The following STPG2 variants were observed in gnomAD, a reference collection of about 807,000 sequenced individuals.
STPG2 encodes the protein sperm tail PG-rich repeat containing 2.
Under a neutral mutation model 54.2 loss-of-function variants are expected in STPG2, and 56 were observed. The observed-to-expected ratio is 1.03, with a 90% CI of 0.83 to 1.29. The LOEUF (loss-of-function observed/expected upper bound fraction) is 1.29. Among genes scored for constraint, STPG2 ranks in the 50% most tolerant of loss-of-function variants. The pLI is 0.00. For synonymous variants in STPG2, 200 were observed against 181.8 expected, an observed-to-expected ratio of 1.10 and a Z score of -0.81; for missense variants, 596 against 544.9, an observed-to-expected ratio of 1.09 and a Z score of -0.93.
chr4:97,577,551 A>G (rs1412586949), intron 10 of STPG2, among the ~76,000 whole-genome samples: 1 of 152,160 alleles, frequency 6.6e-6, no homozygotes, highest in African/African-American at 2.4e-5. Context: ...GGACTTAAAC[A>G]TGGGAACAAC....
chr4:98,091,245 CCT>C (rs1487207894), intron 5 of STPG2, among the ~76,000 whole-genome samples: 1 of 151,392 alleles, frequency 6.6e-6, no homozygotes, highest in Admixed American at 6.6e-5. Flanking sequence ...TCATGATTTC[CCT>C]CTCTCTCTCT....
chr4:97,878,650 C>A (rs1266281797), intron 8 of STPG2, among the ~76,000 whole-genome samples: 1 of 152,130 alleles, frequency 6.6e-6, no homozygotes. Flanking sequence ...CTGGGTCAGG[C>A]CCATGAAACC....
At chr4:98,115,327 T>C (rs960009925) in intron 3 of STPG2, among the ~76,000 whole-genome samples, 1 of 152,002 alleles carries the variant, frequency 6.6e-6, no homozygotes, top group African/African-American at 2.4e-5. Context: ...GTATCATCAT[T>C]CCAATCACAA....
intron 9 of STPG2, among the ~76,000 whole-genome samples, chr4:97,753,523 A>G (rs770590404): frequency 1.2e-4 from 18 of 152,008 alleles, no homozygotes; most frequent in Non-Finnish European, 2.2e-4. Context: ...GGCTATGAAC[A>G]TTGGTATACA....
intron 8 of STPG2, among the ~76,000 whole-genome samples, chr4:97,865,107 T>G (rs1729717761): frequency 6.6e-6 from 1 of 152,056 alleles, no homozygotes; most frequent in Non-Finnish European, 1.5e-5. Context: ...CTCATTAAAC[T>G]AAAGAGCTTC....
chr4:97,444,556 G>T (rs1729171250), intron 4 of STPG2, among the ~76,000 whole-genome samples: 1 of 152,084 alleles, frequency 6.6e-6, no homozygotes. Context: ...AAAGGGAAAA[G>T]AAATAAAGAT....
chr4:97,601,839 A>C (rs59360757), intron 10 of STPG2, among the ~76,000 whole-genome samples: 2 of 151,896 alleles, frequency 1.3e-5, no homozygotes, highest in East Asian at 3.9e-4. Flanking sequence ...CAAGTTCCTC[A>C]AGAAATCCTT....
intron 8 of STPG2, among the ~76,000 whole-genome samples, chr4:97,925,976 C>G (rs1468381018): frequency 6.6e-6 from 1 of 152,124 alleles, no homozygotes; most frequent in Non-Finnish European, 1.5e-5. Flanking sequence ...CTCCATGATA[C>G]CTTAGTGTTC....
At position 98,065,395 on chromosome 4, in the gene STPG2, C is replaced by A. The variant is rs1737802136; in HGVS notation, c.612+40558G>T. On this transcript the variant is annotated intron_variant, in intron 5 of 10. Coordinates refer to ENST00000295268, the MANE Select transcript of STPG2 (RefSeq NM_174952.3). ...ACTGGATAATTATATAAAATAAAAT[C>A]TTTTTTCTATACCACTTATAGCCAC... Among the ~76,000 whole-genome samples, 4 of 151,956 alleles carry A rather than the reference C, an allele frequency of 2.6e-5. 1 individual carries two copies. Among genetic ancestry groups the A allele is most frequent in the Admixed American group, 6.6e-5 (1 of 15,234 alleles).
rs189441913 is a variant in STPG2, at chr4:97,755,803, T to G, written c.1205-42989A>C. 3.9e-4 allele frequency among the ~76,000 whole-genome samples: 60 copies of G among 152,338 alleles called. No homozygotes were observed. In the East Asian group the frequency reaches 0.01, roughly 26 times the overall value. The stretch of plus-strand genomic sequence containing the variant: ...AAGATGTGCAAAATTCATGTTATTT[T>G]ATGGGTTCCTGTATCTATTCCATGT... On this transcript the variant is annotated intron_variant, in intron 9 of 10. Transcript: ENST00000295268.
At chr4:97,605,729 T>G (rs1224436807) in intron 10 of STPG2, among the ~76,000 whole-genome samples, 1 of 151,528 alleles carries the variant, frequency 6.6e-6, no homozygotes, top group African/African-American at 2.4e-5. Flanking sequence ...ATTTATAAAC[T>G]TAGAGAGTTT....
chr4:97,675,685 G>T (rs187373844), intron 10 of STPG2, among the ~76,000 whole-genome samples: 1 of 151,894 alleles, frequency 6.6e-6, no homozygotes, highest in East Asian at 1.9e-4. Flanking sequence ...GTGTGTGTGT[G>T]TGTGTGTGCG....
At chr4:97,891,910 C>A (rs1481848903) in intron 8 of STPG2, among the ~76,000 whole-genome samples, 1 of 152,000 alleles carries the variant, frequency 6.6e-6, no homozygotes, top group Non-Finnish European at 1.5e-5. Context: ...ATTATGTCTA[C>A]CTTTTTCAGT....
intron 5 of STPG2, among the ~76,000 whole-genome samples, chr4:98,099,889 C>A (rs914323664): frequency 6.6e-6 from 1 of 151,968 alleles, no homozygotes; most frequent in African/African-American, 2.4e-5. Flanking sequence ...AAAATAACTA[C>A]AAGAGTATAA....
At chr4:97,884,682 A>G (rs907234216) in intron 8 of STPG2, among the ~76,000 whole-genome samples, 1 of 152,068 alleles carries the variant, frequency 6.6e-6, no homozygotes, top group Non-Finnish European at 1.5e-5. Context: ...ATAGCTCTAC[A>G]TTGGGTAAAG....
At chr4:97,608,450 A>G (rs1733648682) in intron 10 of STPG2, among the ~76,000 whole-genome samples, 2 of 152,026 alleles carry the variant, frequency 1.3e-5, no homozygotes, top group Admixed American at 1.3e-4. Flanking sequence ...TCCTTGCTGT[A>G]CATTTGCTGC....
At chr4:97,571,541 T>G (rs998814070) in intron 10 of STPG2, among the ~76,000 whole-genome samples, 2 of 152,144 alleles carry the variant, frequency 1.3e-5, no homozygotes, top group African/African-American at 4.8e-5. Context: ...CACCACCTCT[T>G]ATAGCAACCC....
intron 5 of STPG2, among the ~76,000 whole-genome samples, chr4:98,040,788 T>C (rs1006504948): frequency 3.9e-5 from 6 of 152,002 alleles, no homozygotes; most frequent in Non-Finnish European, 7.4e-5. Context: ...TGCTTAGGAT[T>C]GCCTTGGATA....
chr4:97,960,633 C>G (rs1266393957), intron 7 of STPG2, among the ~76,000 whole-genome samples: 2 of 151,890 alleles, frequency 1.3e-5, no homozygotes, highest in African/African-American at 4.8e-5. Flanking sequence ...AGGAATATAC[C>G]TAACCAAGGA....
Sources: gnomAD v4.1 joint callset for allele counts (sites outside exome capture counted in the v4.1 genomes callset) on GRCh38, gnomAD v4.1.1 for gene constraint, MANE v1.5 for transcripts, NCBI Gene and HGNC (gene_info 2026-07-23, HGNC 2026-07-21) for gene names.